The following AFF1 variants were observed in gnomAD, a reference collection of about 807,000 sequenced individuals.
The protein encoded by AFF1 is AF4/FMR2 family member 1.
AFF1 carries 48 observed loss-of-function variants against 121.7 expected under a neutral mutation model. The observed-to-expected ratio is 0.39, with a 90% CI of 0.31 to 0.50. The LOEUF (loss-of-function observed/expected upper bound fraction) is 0.50. Ranked by LOEUF, AFF1 falls within the 20% of genes least tolerant of loss-of-function variation. The probability of loss-of-function intolerance (pLI) is 0.76; values close to 1 mark genes in which losing one functional copy is unlikely to be tolerated. For missense variants in AFF1, 1,523 were observed against 1,511.7 expected (o/e 1.01, Z -0.12); for synonymous variants, 613 against 563.0 (o/e 1.09, Z -1.26).
chr4:87,055,429 A>G (rs1041291672), intron 4 of AFF1, among the ~76,000 whole-genome samples: 9 of 152,342 alleles, frequency 5.9e-5, no homozygotes, highest in African/African-American at 2.2e-4. Context: ...CGGAAATGCC[A>G]GAAGTACATT....
rs1729591489 is a variant in AFF1, at chr4:87,139,950, A to G, written c.*4249A>G. The G allele has an allele frequency of 9.4e-6, 2 of 213,772 alleles. No individual in the cohort carries two copies. Among genetic ancestry groups the G allele is most frequent in the Non-Finnish European group, 1.9e-5 (2 of 105,954 alleles). 13.2% of individuals were successfully genotyped at this position (213,772 alleles called of 1,614,324 possible). A position where few individuals can be genotyped will look rare whatever the true frequency, so the allele number is the denominator to read the frequency against. On this transcript the variant is annotated 3_prime_UTR_variant, in exon 21 of 21. Coordinates refer to ENST00000395146, the MANE Select transcript of AFF1 (RefSeq NM_001166693.3). ...AACTACTGCTTTTCTTTAGGTGGCT[A>G]TAAATTTCTTACTGTCAGGAGGAAA... is the stretch of plus-strand genomic sequence containing the variant.
intron 11 of AFF1, among the ~76,000 whole-genome samples, chr4:87,111,821 C>T (rs1261616213): frequency 4.6e-5 from 7 of 152,156 alleles, no homozygotes; most frequent in African/African-American, 9.7e-5. Flanking sequence ...CAAATTGGGA[C>T]ATAGGCCTTC....
chr4:86,993,284 G>A (rs1724871008), intron 2 of AFF1, among the ~76,000 whole-genome samples: 1 of 152,214 alleles, frequency 6.6e-6, no homozygotes, highest in Non-Finnish European at 1.5e-5. Flanking sequence ...TTTTATGTGT[G>A]AGGAGACCAG....
At position 87,136,216 on chromosome 4, in the gene AFF1, C is replaced by T. The variant is rs1231457611; in HGVS notation, c.*515C>T. The T allele has an allele frequency of 4.3e-6, 1 of 231,568 alleles. No homozygotes were observed. Among genetic ancestry groups the T allele is most frequent in the Non-Finnish European group, 8.5e-6 (1 of 117,222 alleles). 14.3% of individuals were successfully genotyped at this position (231,568 alleles called of 1,614,324 possible). On this transcript the variant is annotated 3_prime_UTR_variant, in exon 21 of 21. Transcript: ENST00000395146. ...TATTTGTTTAGTAACTTCTAATGGCCATCTGTAAACCATAAGTAATGAAGG... is the reference window on the plus strand; with the variant it reads ...TATTTGTTTAGTAACTTCTAATGGCTATCTGTAAACCATAAGTAATGAAGG...
chr4:87,126,788 GCTTTGTGAGTT>G (rs1338838271), intron 14 of AFF1, among the ~76,000 whole-genome samples: 1 of 152,146 alleles, frequency 6.6e-6, no homozygotes, highest in Non-Finnish European at 1.5e-5. Flanking sequence ...GTTATGTGTG[GCTTTGTGAGTT>G]CTCTGATCTC....
chr4:87,058,481 T>C (rs1720384108), intron 4 of AFF1, among the ~76,000 whole-genome samples: 1 of 152,046 alleles, frequency 6.6e-6, no homozygotes, highest in African/African-American at 2.4e-5. Context: ...AAGCACCAGG[T>C]ATGAATTCTC....
intron 4 of AFF1, among the ~76,000 whole-genome samples, chr4:87,068,090 G>A (rs570583900): frequency 0.028 from 3,960 of 143,012 alleles, 74 homozygotes; most frequent in Middle Eastern, 0.052. Context: ...ACGAAACTTA[G>A]GAAACTTAGG....
intron 2 of AFF1, among the ~76,000 whole-genome samples, chr4:86,978,010 G>A (rs1343474205): frequency 6.6e-6 from 1 of 151,918 alleles, no homozygotes; most frequent in Non-Finnish European, 1.5e-5. Flanking sequence ...GAAGGAAGAT[G>A]GTAAATGGTT....
At chr4:87,121,518 A>G (rs555432878) in intron 12 of AFF1, among the ~76,000 whole-genome samples, 2 of 152,270 alleles carry the variant, frequency 1.3e-5, no homozygotes, top group Admixed American at 6.5e-5. Context: ...CCGAGTGCCT[A>G]CTCTGGGGAA....
chr4:87,083,086 C>G (rs1046881362), intron 4 of AFF1, among the ~76,000 whole-genome samples: 2 of 152,116 alleles, frequency 1.3e-5, no homozygotes, highest in Non-Finnish European at 2.9e-5. Context: ...AGTTGCTATT[C>G]CATTGAAAAC....
At chr4:87,066,189 A>G (rs977387600) in intron 4 of AFF1, among the ~76,000 whole-genome samples, 1 of 152,212 alleles carries the variant, frequency 6.6e-6, no homozygotes, top group Non-Finnish European at 1.5e-5. Flanking sequence ...ATCCATCCTA[A>G]TAAGCAGGTC....
Position 87,047,317 on chromosome 4 carries a change from A to G in AFF1, c.782A>G (p.His261Arg), listed in dbSNP as rs1379628926. 5 of 1,614,196 alleles carry G rather than the reference A, an allele frequency of 3.1e-6. No individual in the cohort carries two copies. Among genetic ancestry groups the G allele is most frequent in the Middle Eastern group, 1.6e-4 (1 of 6,062 alleles). Residue 261 changes from histidine (H) to arginine (R), a missense_variant, in exon 4 of 21, where the codon CAT becomes CGT. His to Arg is a conservative substitution (Grantham distance 29). Transcript: ENST00000395146. Reference protein sequence around the residue: ...KSPKDLAVKVHDKETPQDSLV... With the variant: ...KSPKDLAVKVRDKETPQDSLV... ...CCCAAGGACCTAGCAGTGAAAGTCC[A>G]TGATAAAGAGACCCCTCAAGACAGT...
chr4:87,017,940 T>TA (rs11410710), intron 2 of AFF1, among the ~76,000 whole-genome samples: 115,879 of 148,466 alleles, frequency 0.78, 48,251 homozygotes, highest in Non-Finnish European at 0.92. Flanking sequence ...TCGTTCTATT[T>TA]AAAAAAAAAA....
chr4:87,060,871 A>C (rs1369957678), intron 4 of AFF1, among the ~76,000 whole-genome samples: 1 of 50,144 alleles, frequency 2.0e-5, no homozygotes, highest in East Asian at 6.0e-4. Context: ...AAAAAAACAC[A>C]AAAAAACAAC....
chr4:87,007,035 G>A lies in AFF1; in HGVS notation c.39-39131G>A, dbSNP rs953063455. 1.0e-5 allele frequency: 12 copies of A among 1,170,632 alleles called. No individual in the cohort carries two copies. In the East Asian group the frequency reaches 5.1e-4, roughly 50 times the overall value. 72.5% of individuals were successfully genotyped at this position (1,170,632 alleles called of 1,614,324 possible). On this transcript the variant is annotated intron_variant, in intron 2 of 20. Transcript: ENST00000395146. ...CTGTGGCCCGCGTTGTGCTGTTGCT[G>A]GGCAGGCGTTGGGCGCCGGCGGTCT... is the stretch of plus-strand genomic sequence containing the variant.
At chr4:87,010,216 ATTTCT>A (rs569411570) in intron 2 of AFF1, among the ~76,000 whole-genome samples, 242 of 152,306 alleles carry the variant, frequency 1.6e-3, no homozygotes, top group African/African-American at 5.5e-3. Flanking sequence ...TTTGTGGCTG[ATTTCT>A]TCTCTTAAAG....
chr4:87,036,156 A>T (rs539030167), intron 2 of AFF1, among the ~76,000 whole-genome samples: 1 of 152,310 alleles, frequency 6.6e-6, no homozygotes, highest in South Asian at 2.1e-4. Context: ...GGGGAGACAT[A>T]AATAACTAGT....
chr4:86,951,615 C>CTTT lies in AFF1; in HGVS notation c.38+3049_38+3051dup, dbSNP rs748093135. The stretch of plus-strand genomic sequence containing the variant: ...GAACTTTTTTTTCTTTTTCTTTTTT[C>CTTT]TTTTTTTCTTTTTTTTTTTTTTTTT... On this transcript the variant is annotated intron_variant, in intron 2 of 20. Coordinates refer to ENST00000395146, the MANE Select transcript of AFF1 (RefSeq NM_001166693.3). Among the ~76,000 whole-genome samples the CTTT allele has an allele frequency of 2.1e-3, 258 of 124,882 alleles. 8 individuals are homozygous for CTTT. The highest frequency in any genetic ancestry group is 2.5e-3 in the Non-Finnish European group (158 of 62,252). 81.9% of individuals were successfully genotyped at this position (124,882 alleles called of 152,430 possible). A position where few individuals can be genotyped will look rare whatever the true frequency, so the allele number is the denominator to read the frequency against.
intron 2 of AFF1, chr4:86,950,261 C>T: frequency 1.3e-6 from 1 of 768,594 alleles, no homozygotes; most frequent in Non-Finnish European, 2.2e-6. Context: ...TCACTGCAAC[C>T]TCTGCCTCCC....
Sources: gnomAD v4.1 joint callset for allele counts (sites outside exome capture counted in the v4.1 genomes callset) on GRCh38, gnomAD v4.1.1 for gene constraint, MANE v1.5 for transcripts, NCBI Gene and HGNC (gene_info 2026-07-23, HGNC 2026-07-21) for gene names.